CSMD3: variants seen among roughly 807,000 people sequenced by gnomAD.
CSMD3 encodes CUB and Sushi multiple domains 3, also known as CUB and sushi domain-containing protein 3.
In CSMD3, 177 loss-of-function variants were observed where a neutral mutation model predicts 435.2. The observed-to-expected ratio is 0.41, with a 90% CI of 0.36 to 0.46. The LOEUF is 0.46. CSMD3 is among the 20% of genes least tolerant of loss of function. The pLI is 0.34. For missense variants in CSMD3, 4,265 were observed against 4,504.6 expected, an observed-to-expected ratio of 0.95 and a Z score of 1.52; for synonymous variants, 1,656 against 1,520.5, an observed-to-expected ratio of 1.09 and a Z score of -2.07.
At chr8:113,249,667 A>C (rs942643511) in intron 3 of CSMD3, among the ~76,000 whole-genome samples, 3 of 152,198 alleles carry the variant, frequency 2.0e-5, no homozygotes, top group Admixed American at 2.0e-4. Context: ...GAGCATAAAA[A>C]GAAATTCGAC....
intron 31 of CSMD3, 77 bp from the exon 32 acceptor site, chr8:112,472,784 A>G: frequency 1.3e-6 from 1 of 787,616 alleles, no homozygotes; most frequent in South Asian, 1.4e-5. Flanking sequence ...TTCTTCATAT[A>G]AAAAATATAT....
intron 59 of CSMD3, among the ~76,000 whole-genome samples, chr8:112,273,187 T>A (rs1008767516): frequency 9.9e-5 from 15 of 152,156 alleles, no homozygotes; most frequent in African/African-American, 3.1e-4. Context: ...AAAATAGGAA[T>A]GTTTATTTAT....
chr8:113,361,717 T>C (rs560736146), intron 1 of CSMD3, among the ~76,000 whole-genome samples: 1 of 19,502 alleles, frequency 5.1e-5, no homozygotes, highest in African/African-American at 4.2e-4. Flanking sequence ...ACATGTGAAA[T>C]TGTAATTTTT....
chr8:112,342,983 ATATT>A (rs1285196647), intron 41 of CSMD3, among the ~76,000 whole-genome samples: 45 of 49,164 alleles, frequency 9.2e-4, no homozygotes, highest in African/African-American at 2.6e-3. Flanking sequence ...ATATATATAT[ATATT>A]TATATATATA....
At chr8:113,337,965 T>C (rs973459080) in intron 1 of CSMD3, among the ~76,000 whole-genome samples, 8 of 151,946 alleles carry the variant, frequency 5.3e-5, no homozygotes, top group African/African-American at 1.7e-4. Flanking sequence ...CAATTTTTAT[T>C]TTCAATAAAT....
intron 13 of CSMD3, among the ~76,000 whole-genome samples, chr8:112,718,629 T>C (rs2076788556): frequency 2.0e-5 from 3 of 152,152 alleles, no homozygotes; most frequent in Non-Finnish European, 4.4e-5. Flanking sequence ...ATTTAGACTT[T>C]TAACTACTTC....
chr8:113,249,618 A>G (rs2093315541), intron 3 of CSMD3, among the ~76,000 whole-genome samples: 1 of 152,064 alleles, frequency 6.6e-6, no homozygotes, highest in South Asian at 2.1e-4. Context: ...ATCTGGTTGT[A>G]CGTGTTTTGA....
At chr8:112,356,724 T>A (rs925859376) in intron 38 of CSMD3, among the ~76,000 whole-genome samples, 2 of 151,862 alleles carry the variant, frequency 1.3e-5, no homozygotes, top group Admixed American at 1.3e-4. Context: ...GTGAATAAGT[T>A]TCATGAGTAC....
chr8:113,040,344 G>C, intron 5 of CSMD3, among the ~76,000 whole-genome samples: 1 of 152,126 alleles, frequency 6.6e-6, no homozygotes. Flanking sequence ...TCTTCCATAA[G>C]GAGAAAGCCA....
At position 112,685,538 on chromosome 8, in the gene CSMD3, C is replaced by G. The variant is rs1262264399; in HGVS notation, c.2350G>C (p.Glu784Gln). 4.3e-6 allele frequency: 7 copies of G among 1,613,864 alleles called. No individual in the cohort carries two copies. The highest frequency in any genetic ancestry group is 5.9e-6 in the Non-Finnish European group (7 of 1,179,922). ...GTAAAGGTTCCAAGAATTGGGGATT[C>G]TGGAGAGTCACCATCTTTAACAGCA... ...FLAVKDGDSP[E>Q]SPILGTFTGA... Residue 784 changes from glutamate to glutamine, a missense_variant, in exon 15 of 71, where the codon GAA becomes CAA. Coordinates refer to ENST00000297405, the MANE Select transcript of CSMD3 (RefSeq NM_198123.2).
At position 112,827,368 on chromosome 8, in the gene CSMD3, T is replaced by G. The variant is rs183152442; in HGVS notation, c.1859+2318A>C. Among the ~76,000 whole-genome samples, 555 of 151,612 alleles carry G rather than the reference T, an allele frequency of 3.7e-3. 2 individuals are homozygous for G. Among genetic ancestry groups the G allele is most frequent in the African/African-American group, 0.013 (527 of 41,378 alleles). ...TCCAATGCTGAGATGGAAGTTTTTTTTGTGGCAGATACATGAATGAAAGCT... is the reference window on the plus strand; with the variant it reads ...TCCAATGCTGAGATGGAAGTTTTTTGTGTGGCAGATACATGAATGAAAGCT... On this transcript the variant is annotated intron_variant, in intron 12 of 70. Transcript: ENST00000297405.
chr8:112,409,049 C>T lies in CSMD3; in HGVS notation c.5396-17G>A, dbSNP rs746649192. The T allele has an allele frequency of 1.2e-6, 2 of 1,612,714 alleles. No homozygotes were observed. The highest frequency in any genetic ancestry group is 1.7e-6 in the Non-Finnish European group (2 of 1,179,372). ...CAAACACCACTGATCAACAGGAACC[C>T]GGAGAAGCAAACAAATCACCAACCA... On this transcript the variant is annotated splice_polypyrimidine_tract_variant and intron_variant, in intron 32 of 70. Transcript: ENST00000297405.
At chr8:113,247,004 G>A (rs1332921994) in intron 3 of CSMD3, among the ~76,000 whole-genome samples, 1 of 152,152 alleles carries the variant, frequency 6.6e-6, no homozygotes, top group South Asian at 2.1e-4. Flanking sequence ...AGTAGTAAGG[G>A]TTTGGAGTTT....
At chr8:112,543,700 C>T (rs989827620) in intron 27 of CSMD3, among the ~76,000 whole-genome samples, 2 of 152,036 alleles carry the variant, frequency 1.3e-5, no homozygotes, top group African/African-American at 2.4e-5. Flanking sequence ...AATGAAACTA[C>T]TTTACGATCC....
intron 3 of CSMD3, among the ~76,000 whole-genome samples, chr8:113,230,849 A>G (rs913284150): frequency 2.0e-5 from 3 of 151,530 alleles, no homozygotes; most frequent in African/African-American, 7.2e-5. Flanking sequence ...ATGTAATAAT[A>G]CTTTTTTATA....
intron 32 of CSMD3, among the ~76,000 whole-genome samples, chr8:112,448,148 T>A (rs1815831644): frequency 1.3e-5 from 2 of 152,218 alleles, no homozygotes; most frequent in Non-Finnish European, 2.9e-5. Context: ...TAGGCTCTCA[T>A]AAGGGCTTTC....
At chr8:112,648,887 CAA>C (rs1389475656) in intron 19 of CSMD3, among the ~76,000 whole-genome samples, 1 of 152,120 alleles carries the variant, frequency 6.6e-6, no homozygotes, top group East Asian at 1.9e-4. Flanking sequence ...ATGACCAAGA[CAA>C]AGTCAATCAT....
Position 112,800,224 on chromosome 8 carries a change from A to G in CSMD3, c.1910T>C (p.Met637Thr), listed in dbSNP as rs1011370793. Reference sequence around the variant, plus strand: ...TTCGTCCGTTTGAAGGTGCAGCCACATTTGGCTACTCATGCTCACTATCAA... The same window carrying G: ...TTCGTCCGTTTGAAGGTGCAGCCACGTTTGGCTACTCATGCTCACTATCAA... ...PDLIVSMSSQ[M>T]WLHLQTDESV... Residue 637 changes from methionine to threonine, a missense_variant, in exon 13 of 71, where the codon ATG (methionine) becomes ACG (threonine). Physicochemically the swap from Met to Thr is moderately conservative, Grantham distance 81. Transcript: ENST00000297405. The G allele has an allele frequency of 3.1e-6, 5 of 1,613,100 alleles. No homozygotes were observed. Among genetic ancestry groups the G allele is most frequent in the Non-Finnish European group, 4.2e-6 (5 of 1,179,250 alleles).
chr8:113,241,947 C>CTATATATATATA (rs753893968), intron 3 of CSMD3, among the ~76,000 whole-genome samples: 3 of 149,268 alleles, frequency 2.0e-5, no homozygotes, highest in African/African-American at 7.3e-5. Context: ...TAAAAAATTA[C>CTATATATATATA]TATATATATA....
Sources: gnomAD v4.1 joint callset for allele counts (sites outside exome capture counted in the v4.1 genomes callset) on GRCh38, gnomAD v4.1.1 for gene constraint, MANE v1.5 for transcripts, NCBI Gene and HGNC (gene_info 2026-07-23, HGNC 2026-07-21) for gene names.